The following FBXL13 variants were observed in gnomAD, a reference collection of about 807,000 sequenced individuals.
FBXL13 encodes the protein F-box and leucine-rich repeat protein 13.
FBXL13 carries 67 observed loss-of-function variants against 83.6 expected under a neutral mutation model. The observed-to-expected ratio is 0.80, with a 90% confidence interval of 0.66 to 0.98. FBXL13 has a LOEUF of 0.98. FBXL13 is among the 50% of genes least tolerant of loss of function. The pLI is 0.00. For synonymous variants in FBXL13, 272 were observed against 299.5 expected (o/e 0.91, Z 0.95); for missense variants, 822 against 866.5 (o/e 0.95, Z 0.64).
chr7:102,884,524 C>T (rs531489224), intron 11 of FBXL13, among the ~76,000 whole-genome samples: 1 of 151,682 alleles, frequency 6.6e-6, no homozygotes, highest in East Asian at 1.9e-4. Context: ...TAAAATAAGC[C>T]ATGTAAGCCA....
intron 8 of FBXL13, chr7:102,934,028 C>A (rs375247224): frequency 5.0e-6 from 8 of 1,614,038 alleles, no homozygotes; most frequent in Non-Finnish European, 6.8e-6. Flanking sequence ...GGGTGGAGGC[C>A]GGAGAGGCTC....
At chr7:102,869,887 A>C (rs1452570894) in intron 16 of FBXL13, among the ~76,000 whole-genome samples, 1 of 152,208 alleles carries the variant, frequency 6.6e-6, no homozygotes, top group Non-Finnish European at 1.5e-5. Context: ...GGTGAGTACG[A>C]GAAACAGTGC....
intron 8 of FBXL13, among the ~76,000 whole-genome samples, chr7:102,951,149 C>T (rs115073495): frequency 8.1e-4 from 123 of 151,916 alleles, no homozygotes; most frequent in African/African-American, 2.7e-3. Context: ...CTCAATTTTG[C>T]GAGAACCTGA....
intron 16 of FBXL13, among the ~76,000 whole-genome samples, chr7:102,856,900 A>C (rs987315209): frequency 2.6e-5 from 4 of 152,200 alleles, no homozygotes; most frequent in South Asian, 2.1e-4. Flanking sequence ...GTTTATACCC[A>C]AAAACAGTGA....
intron 17 of FBXL13, among the ~76,000 whole-genome samples, chr7:102,847,749 A>G (rs1584598844): frequency 6.6e-6 from 1 of 151,948 alleles, no homozygotes; most frequent in Non-Finnish European, 1.5e-5. Flanking sequence ...GGCTGGTCTC[A>G]AACTCCTGGC....
intron 10 of FBXL13, among the ~76,000 whole-genome samples, chr7:102,925,934 CTG>C (rs1818032524): frequency 9.9e-6 from 1 of 101,312 alleles, no homozygotes; most frequent in South Asian, 3.7e-4. Flanking sequence ...GAGCAAGACT[CTG>C]TCTCAAAAAA....
chr7:102,937,630 A>G (rs1820587404), intron 8 of FBXL13, among the ~76,000 whole-genome samples: 1 of 151,774 alleles, frequency 6.6e-6, no homozygotes, highest in Non-Finnish European at 1.5e-5. Context: ...TTTTTGTTAT[A>G]TTGCTGATTC....
rs1210973932 is a variant in FBXL13, at chr7:103,060,027, T to TAC, written c.-104-4281_-104-4280insGT. ...TAATGATAGCAAGATATTTTATATA[T>TAC]ATATATATATATATATATATATATA... On this transcript the variant is annotated intron_variant, in intron 1 of 19. Transcript: ENST00000313221. Among the ~76,000 whole-genome samples the TAC allele has an allele frequency of 4.5e-3, 362 of 79,716 alleles. 19 individuals carry two copies. The highest frequency in any genetic ancestry group is 0.037 in the Admixed American group (328 of 8,902). 52.3% of individuals were successfully genotyped at this position (79,716 alleles called of 152,430 possible).
chr7:102,967,436 C>A (rs1826103536), intron 7 of FBXL13, among the ~76,000 whole-genome samples: 1 of 152,160 alleles, frequency 6.6e-6, no homozygotes, highest in Non-Finnish European at 1.5e-5. Context: ...CCATGCCTAG[C>A]TAATTTTTGT....
At chr7:102,878,237 A>G (rs978722492) in intron 15 of FBXL13, 94 bp downstream of exon 16, 4 of 1,119,950 alleles carry the variant, frequency 3.6e-6, no homozygotes, top group Admixed American at 3.0e-5. Flanking sequence ...TGTTCCCCCA[A>G]ATGTCATGAA....
At chr7:102,944,191 A>C (rs370888426) in intron 8 of FBXL13, 4 of 1,580,374 alleles carry the variant, frequency 2.5e-6, no homozygotes. Context: ...CAGGCTCAAT[A>C]AATATTTTCT....
At chr7:102,987,083 G>A (rs1469225600) in intron 6 of FBXL13, among the ~76,000 whole-genome samples, 1 of 152,112 alleles carries the variant, frequency 6.6e-6, no homozygotes. Context: ...GTTCTCACTT[G>A]TAAGTGGGAG....
chr7:103,029,489 TACTC>T (rs1794281782), intron 2 of FBXL13, 71 bp from the exon 4 acceptor site: 1 of 852,344 alleles, frequency 1.2e-6, no homozygotes, highest in Admixed American at 3.7e-5. Flanking sequence ...CTCTGCAAGA[TACTC>T]AAGAAAAAGA....
At chr7:102,992,730 C>T (rs147835557) in intron 6 of FBXL13, among the ~76,000 whole-genome samples, 76 of 152,264 alleles carry the variant, frequency 5.0e-4, no homozygotes, top group African/African-American at 1.7e-3. Context: ...CTCAGCCCAT[C>T]GAGTAGCTGG....
chr7:103,028,438 CT>C (rs1387785210), intron 4 of FBXL13, among the ~76,000 whole-genome samples, 161 bp downstream of exon 5: 1 of 152,082 alleles, frequency 6.6e-6, no homozygotes, highest in African/African-American at 2.4e-5. Flanking sequence ...GACAAATCTC[CT>C]TAAGTATTTT....
chr7:102,999,218 A>G (rs1311758893), intron 6 of FBXL13, among the ~76,000 whole-genome samples: 2 of 152,050 alleles, frequency 1.3e-5, no homozygotes, highest in South Asian at 2.1e-4. Flanking sequence ...GAGATGTATT[A>G]TGTTTATTTA....
intron 6 of FBXL13, among the ~76,000 whole-genome samples, chr7:102,989,973 A>G (rs1829391482): frequency 6.6e-6 from 1 of 152,224 alleles, no homozygotes; most frequent in African/African-American, 2.4e-5. Flanking sequence ...ACTGAATCCA[A>G]AATTAAGTTT....
chr7:102,850,003 G>GT (rs992252292), intron 17 of FBXL13, among the ~76,000 whole-genome samples: 5 of 149,236 alleles, frequency 3.4e-5, no homozygotes, highest in East Asian at 3.9e-4. Flanking sequence ...GTTTTGTTTT[G>GT]TTTTTTTAGA....
At chr7:102,819,070 G>C (rs1354696798) in intron 19 of FBXL13, among the ~76,000 whole-genome samples, 2 of 151,970 alleles carry the variant, frequency 1.3e-5, no homozygotes, top group African/African-American at 4.8e-5. Flanking sequence ...TTCTGTTCTT[G>C]GATTAGCCTT....
Sources: allele counts gnomAD v4.1 joint callset (sites outside exome capture counted in the v4.1 genomes callset), GRCh38; gene constraint gnomAD v4.1.1; transcripts MANE v1.5; gene names NCBI Gene and HGNC (gene_info 2026-07-23, HGNC 2026-07-21).